PRUNE2: variants seen among roughly 807,000 people sequenced by gnomAD.
The protein encoded by PRUNE2 is protein prune homolog 2.
In PRUNE2, 164 loss-of-function variants were observed where a neutral mutation model predicts 252.0. The ratio of observed to expected loss-of-function variants is 0.65; its 90% confidence interval spans 0.57 to 0.74. The LOEUF is 0.74. PRUNE2 is among the 30% of genes least tolerant of loss of function. The pLI, the probability that PRUNE2 is intolerant of heterozygous loss-of-function variation, is 0.00. For missense variants in PRUNE2, 3,495 were observed against 3,711.0 expected (o/e 0.94, Z 1.51); for synonymous variants, 1,292 against 1,350.2 (o/e 0.96, Z 0.94).
chr9:76,654,948 T>A (rs1468353063), intron 10 of PRUNE2, among the ~76,000 whole-genome samples: 1 of 152,116 alleles, frequency 6.6e-6, no homozygotes, highest in African/African-American at 2.4e-5. Flanking sequence ...AATTGAAAAA[T>A]TAAATTCCTT....
chr9:76,790,012 A>G (rs1009311030), intron 6 of PRUNE2, among the ~76,000 whole-genome samples: 1 of 152,182 alleles, frequency 6.6e-6, no homozygotes, highest in Non-Finnish European at 1.5e-5. Context: ...GCCACTTCTA[A>G]GTTAATTAAG....
intron 9 of PRUNE2, among the ~76,000 whole-genome samples, chr9:76,669,468 G>T (rs9314852): frequency 0.018 from 2,763 of 151,990 alleles, 77 homozygotes; most frequent in African/African-American, 0.063. Context: ...CACAGCTGCG[G>T]GCCACCACAC....
chr9:76,645,141 A>C, intron 11 of PRUNE2: 1 of 438,608 alleles, frequency 2.3e-6, no homozygotes, highest in Non-Finnish European at 4.1e-6. Flanking sequence ...TTAACTGAAC[A>C]ACCACATCCA....
chr9:76,661,787 A>G (rs1486945206), intron 9 of PRUNE2, among the ~76,000 whole-genome samples: 5 of 152,212 alleles, frequency 3.3e-5, no homozygotes, highest in African/African-American at 1.2e-4. Context: ...AATTAATTTG[A>G]AAAGAAATAT....
At chr9:76,736,313 T>C (rs542060118) in intron 6 of PRUNE2, among the ~76,000 whole-genome samples, 2 of 152,320 alleles carry the variant, frequency 1.3e-5, no homozygotes, top group South Asian at 2.1e-4. Context: ...TGACATACTT[T>C]ATGCTATGGA....
At chr9:76,640,985 T>G (rs1358761129) in intron 12 of PRUNE2, among the ~76,000 whole-genome samples, 1 of 152,206 alleles carries the variant, frequency 6.6e-6, no homozygotes, top group Non-Finnish European at 1.5e-5. Flanking sequence ...CTAAGAAATT[T>G]TTTTCGAAAG....
chr9:76,770,165 T>C (rs1406894765), intron 6 of PRUNE2, among the ~76,000 whole-genome samples: 1 of 152,210 alleles, frequency 6.6e-6, no homozygotes. Context: ...ATAACATTTA[T>C]AGTAAAACTT....
At chr9:76,712,349 G>A (rs1254165103) in intron 7 of PRUNE2, among the ~76,000 whole-genome samples, 1 of 152,296 alleles carries the variant, frequency 6.6e-6, no homozygotes, top group East Asian at 1.9e-4. Flanking sequence ...CCTGAGTTCT[G>A]TACCCAGGCA....
chr9:76,625,097 C>G (rs1834109015), intron 16 of PRUNE2: 1 of 1,259,476 alleles, frequency 7.9e-7, no homozygotes, highest in Admixed American at 2.3e-5. Flanking sequence ...GGAAAATGAG[C>G]AAACAGATGG....
chr9:76,822,870 T>C (rs941052402), intron 6 of PRUNE2, among the ~76,000 whole-genome samples: 1 of 151,830 alleles, frequency 6.6e-6, no homozygotes, highest in East Asian at 1.9e-4. Context: ...CAAATTCCTA[T>C]AGAGCATATT....
intron 12 of PRUNE2, among the ~76,000 whole-genome samples, chr9:76,642,853 G>A (rs1290916204): frequency 6.6e-6 from 1 of 152,238 alleles, no homozygotes. Context: ...CCGGATGGGT[G>A]CAGCCAGAGG....
At chr9:76,877,320 C>T (rs2061530439) in intron 1 of PRUNE2, among the ~76,000 whole-genome samples, 1 of 152,004 alleles carries the variant, frequency 6.6e-6, no homozygotes. Flanking sequence ...GCCTGGGCAA[C>T]ATGGCGAAAC....
In PRUNE2 at chr9:76,829,787, C is replaced by T. The variant is rs537344141; in HGVS notation, c.509-3055G>A. On this transcript the variant is annotated intron_variant, in intron 4 of 18. Transcript: ENST00000376718. ...TTTAATCTGCCACTCTTCAAACTGCCTTTGGGGTTCAAAAGTAAATCCTCT... is the reference window on the plus strand; with the variant it reads ...TTTAATCTGCCACTCTTCAAACTGCTTTTGGGGTTCAAAAGTAAATCCTCT... Among the ~76,000 whole-genome samples the T allele has an allele frequency of 1.8e-4, 27 of 151,786 alleles. No individual in the cohort carries two copies. In the South Asian group the frequency reaches 5.6e-3, roughly 32 times the overall value.
intron 3 of PRUNE2, among the ~76,000 whole-genome samples, chr9:76,849,793 G>A (rs1010672544): frequency 5.9e-5 from 9 of 151,922 alleles, no homozygotes; most frequent in Non-Finnish European, 1.2e-4. Flanking sequence ...GCCAATGCAC[G>A]CCAGCCTGGG....
chr9:76,707,152 G>T lies in PRUNE2; in HGVS notation c.5122C>A (p.His1708Asn), dbSNP rs683866. The T allele has an allele frequency of 0.59, 948,010 of 1,613,426 alleles. 281,638 individuals are homozygous for T. Among genetic ancestry groups the T allele is most frequent in the Middle Eastern group, 0.72 (4,377 of 6,062 alleles). Reference sequence around the variant, plus strand: ...GCTCTGGATTCATCCTCAGCAACGTGGCAGTTGGCCACCTGGATCTCTTCC... The same window carrying T: ...GCTCTGGATTCATCCTCAGCAACGTTGCAGTTGGCCACCTGGATCTCTTCC... ...IEEEIQVANC[H>N]VAEDESRAWD... The change falls in exon 8 of 19, where the codon CAC becomes AAC. Residue 1708 changes from histidine (H) to asparagine (N), a missense_variant. Transcript: ENST00000376718.
chr9:76,774,453 T>TATTTATTTATTTA lies in PRUNE2; in HGVS notation c.756+49178_756+49179insTAAATAAATAAAT, dbSNP rs370472844. On this transcript the variant is annotated intron_variant, in intron 6 of 18. Coordinates refer to ENST00000376718, the MANE Select transcript of PRUNE2 (RefSeq NM_015225.3). ...GTTCCTGGCCTCCAGTTCAACCCTT[T>TATTTATTTATTTA]TTTTTTTTTTTTTTTTTTTTTTTTG... 1.1e-4 allele frequency among the ~76,000 whole-genome samples: 13 copies of TATTTATTTATTTA among 122,308 alleles called. No individual in the cohort carries two copies. In the South Asian group the frequency reaches 1.2e-3, roughly 11 times the overall value. 80.2% of individuals were successfully genotyped at this position (122,308 alleles called of 152,430 possible). A position where few individuals can be genotyped will look rare whatever the true frequency, so the allele number is the denominator to read the frequency against.
At chr9:76,781,513 G>A (rs1202261652) in intron 6 of PRUNE2, among the ~76,000 whole-genome samples, 8 of 152,106 alleles carry the variant, frequency 5.3e-5, no homozygotes, top group African/African-American at 1.7e-4. Context: ...TATATGCTTG[G>A]TTTATAAACT....
At chr9:76,667,936 G>A (rs1563973953) in intron 9 of PRUNE2, among the ~76,000 whole-genome samples, 1 of 152,208 alleles carries the variant, frequency 6.6e-6, no homozygotes, top group African/African-American at 2.4e-5. Context: ...ATAGGTGGCT[G>A]ACTGGATTGG....
In PRUNE2 at chr9:76,706,805, T is replaced by C. The variant is rs752208080; in HGVS notation, c.5469A>G (p.Ser1823=). 6.2e-7 allele frequency: 1 copy of C among 1,604,008 alleles called. No homozygotes were observed. The highest frequency in any genetic ancestry group is 8.5e-7 in the Non-Finnish European group (1 of 1,175,284). Reference sequence around the variant, plus strand: ...CCTTCCACCACTCAGTGCTATCAGCTGAGAAGCCCAGCATTTCCAGTTGAG... The same window carrying C: ...CCTTCCACCACTCAGTGCTATCAGCCGAGAAGCCCAGCATTTCCAGTTGAG... ...DNSQLEMLGF[S]ADSTEWWKAS... Residue 1823 remains serine, a synonymous_variant, in exon 8 of 19, where the codon TCA becomes TCG. Coordinates refer to ENST00000376718, the MANE Select transcript of PRUNE2 (RefSeq NM_015225.3).
Sources: gnomAD v4.1 joint callset for allele counts (sites outside exome capture counted in the v4.1 genomes callset) on GRCh38, gnomAD v4.1.1 for gene constraint, MANE v1.5 for transcripts, NCBI Gene and HGNC (gene_info 2026-07-23, HGNC 2026-07-21) for gene names.